MMACHC: variants seen among roughly 807,000 people sequenced by gnomAD.
MMACHC encodes the protein cyanocobalamin reductase / alkylcobalamin dealkylase.
Under a neutral mutation model 17.6 loss-of-function variants are expected in MMACHC, and 14 were observed. The ratio of observed to expected loss-of-function variants is 0.80; its 90% CI spans 0.53 to 1.25. MMACHC has a LOEUF of 1.25. Ranked by LOEUF, MMACHC falls within the 50% of genes most tolerant of loss-of-function variation. The probability of loss-of-function intolerance (pLI) is 0.00; values close to 1 mark genes in which losing one functional copy is unlikely to be tolerated. For synonymous variants in MMACHC, 151 were observed against 142.1 expected, an observed-to-expected ratio of 1.06 and a Z score of -0.45; for missense variants, 392 against 364.5, an observed-to-expected ratio of 1.08 and a Z score of -0.62.
Position 45,508,970 on chromosome 1 carries a change from G to T in MMACHC, c.604G>T (p.Asp202Tyr). The change falls in exon 4 of 4, where the codon GAT (aspartate) becomes TAT (tyrosine). Residue 202 changes from aspartate to tyrosine, a missense_variant. By Grantham distance (160) the Asp-to-Tyr change is radical. Transcript: ENST00000401061. ...CGAAGGCTTCAATTTCCACTGGCGTGATTGGACTTACCGGGATGCTGTGAC... is the reference window on the plus strand; with the variant it reads ...CGAAGGCTTCAATTTCCACTGGCGTTATTGGACTTACCGGGATGCTGTGAC... ...LLEGFNFHWRDWTYRDAVTPQ... is the reference protein window; with the variant it reads ...LLEGFNFHWRYWTYRDAVTPQ... 1 of 1,614,182 alleles carries T rather than the reference G, an allele frequency of 6.2e-7. No homozygotes were observed. The highest frequency in any genetic ancestry group is 2.2e-5 in the East Asian group (1 of 44,890).
intron 1 of MMACHC, among the ~76,000 whole-genome samples, chr1:45,500,961 C>A (rs1170237880): frequency 2.0e-5 from 3 of 151,404 alleles, no homozygotes; most frequent in African/African-American, 7.3e-5. Context: ...TGACCTGTAG[C>A]GTGTGTGGCT....
In MMACHC at chr1:45,509,296, C is replaced by A; in HGVS notation, c.*81C>A. The stretch of plus-strand genomic sequence containing the variant: ...TTGGCAAAGCAAAAGGTTTTGAGTA[C>A]AAGATTACTATTTTTGATAATATAG... On this transcript the variant is annotated 3_prime_UTR_variant, in exon 4 of 4. Transcript: ENST00000401061. The A allele has an allele frequency of 6.8e-7, 1 of 1,480,518 alleles. No homozygotes were observed. The highest frequency in any genetic ancestry group is 9.4e-7 in the Non-Finnish European group (1 of 1,062,208). 91.7% of individuals were successfully genotyped at this position (1,480,518 alleles called of 1,614,324 possible).
At position 45,511,314 on chromosome 1, in the gene MMACHC, A is replaced by G. The variant is rs1260992175; in HGVS notation, c.*2099A>G. 2 of 1,595,790 alleles carry G rather than the reference A, an allele frequency of 1.3e-6. No individual in the cohort carries two copies. The highest frequency in any genetic ancestry group is 2.3e-5 in the South Asian group (2 of 88,310). ...TGGCTGCCCACCGCAGCCTGGCACT[A>G]AAACAGCCCAGCGCTCACTTCTGCT... On this transcript the variant is annotated 3_prime_UTR_variant, in exon 4 of 4. Coordinates refer to ENST00000401061, the MANE Select transcript of MMACHC (RefSeq NM_015506.3).
At position 45,508,779 on chromosome 1, in the gene MMACHC, C is replaced by A; in HGVS notation, c.430-17C>A. On this transcript the variant is annotated splice_polypyrimidine_tract_variant and intron_variant, in intron 3 of 3. Coordinates refer to ENST00000401061, the MANE Select transcript of MMACHC (RefSeq NM_015506.3). Reference sequence around the variant, plus strand: ...AGGGGACCTCCATGACCTTGCTTTTCTTCACCCTCTCCCCAGCGCATATCA... The same window carrying A: ...AGGGGACCTCCATGACCTTGCTTTTATTCACCCTCTCCCCAGCGCATATCA... The A allele has an allele frequency of 6.2e-7, 1 of 1,611,162 alleles. No individual in the cohort carries two copies. Among genetic ancestry groups the A allele is most frequent in the South Asian group, 1.1e-5 (1 of 90,588 alleles).
chr1:45,508,720 C>T, intron 3 of MMACHC, 76 bp from the exon 4 acceptor site: 2 of 1,512,118 alleles, frequency 1.3e-6, no homozygotes, highest in Non-Finnish European at 1.8e-6. Context: ...GTGAACAGGC[C>T]TAGCTTGCAA....
intron 3 of MMACHC, 34 bp downstream of exon 3, chr1:45,508,398 G>C: frequency 6.2e-7 from 1 of 1,612,042 alleles, no homozygotes; most frequent in South Asian, 1.1e-5. Context: ...GGCTGAGATA[G>C]ACTGGTAAAG....
intron 1 of MMACHC, among the ~76,000 whole-genome samples, chr1:45,506,768 T>A (rs1457718914): frequency 1.3e-5 from 2 of 151,938 alleles, no homozygotes; most frequent in East Asian, 3.9e-4. Context: ...ATTATAGCTG[T>A]GAGTCACCAC....
At chr1:45,504,338 C>T (rs962362853) in intron 1 of MMACHC, among the ~76,000 whole-genome samples, 2 of 152,064 alleles carry the variant, frequency 1.3e-5, no homozygotes, top group African/African-American at 4.8e-5. Flanking sequence ...ATCACTTGAA[C>T]CCAGGAGGCA....
chr1:45,502,010 A>G (rs1470133454), intron 1 of MMACHC, among the ~76,000 whole-genome samples: 1 of 152,090 alleles, frequency 6.6e-6, no homozygotes, highest in Non-Finnish European at 1.5e-5. Context: ...CCTCCTCCAC[A>G]CTGCAGCCAG....
At chr1:45,506,167 T>C (rs1643617611) in intron 1 of MMACHC, among the ~76,000 whole-genome samples, 1 of 152,160 alleles carries the variant, frequency 6.6e-6, no homozygotes, top group African/African-American at 2.4e-5. Context: ...TTGTGTCATT[T>C]GAGGATGAGT....
In MMACHC at chr1:45,510,540, T is replaced by C. The variant is rs1166682321; in HGVS notation, c.*1325T>C. The C allele has an allele frequency of 6.6e-6, 1 of 152,048 alleles. No homozygotes were observed. The highest frequency in any genetic ancestry group is 1.5e-5 in the Non-Finnish European group (1 of 68,042). 9.4% of individuals were successfully genotyped at this position (152,048 alleles called of 1,614,324 possible). On this transcript the variant is annotated 3_prime_UTR_variant, in exon 4 of 4. Coordinates refer to ENST00000401061, the MANE Select transcript of MMACHC (RefSeq NM_015506.3). ...TGACACTAAAAAAGACTATCTCTAA[T>C]CAAGGCTAGAACCAAGGGAAGGCTA...
chr1:45,502,835 G>A (rs1195032175), intron 1 of MMACHC, among the ~76,000 whole-genome samples: 3 of 151,816 alleles, frequency 2.0e-5, no homozygotes, highest in Non-Finnish European at 4.4e-5. Flanking sequence ...CTCCAGAGTA[G>A]GTAGGATTAC....
intron 2 of MMACHC, 123 bp from the exon 3 acceptor site, chr1:45,508,089 G>A: frequency 1.6e-6 from 2 of 1,245,122 alleles, no homozygotes; most frequent in Admixed American, 1.8e-5. Flanking sequence ...CCAAGTTAAG[G>A]TCATGTTTTC....
intron 2 of MMACHC, 61 bp downstream of exon 2, chr1:45,507,611 A>T (rs1643653939): frequency 3.8e-6 from 6 of 1,569,448 alleles, no homozygotes; most frequent in Non-Finnish European, 4.4e-6. Flanking sequence ...GTTCCTCCAC[A>T]CTCAATGCAG....
Position 45,511,106 on chromosome 1 carries a change from C to G in MMACHC, c.*1891C>G. 1 of 425,556 alleles carries G rather than the reference C, an allele frequency of 2.3e-6. No individual in the cohort carries two copies. The highest frequency in any genetic ancestry group is 3.6e-5 in the East Asian group (1 of 27,768). The allele number at this position is 425,556 out of a possible 1,614,324, so 26.4% of individuals were successfully genotyped here. A position where few individuals can be genotyped will look rare whatever the true frequency, so the allele number is the denominator to read the frequency against. On this transcript the variant is annotated 3_prime_UTR_variant, in exon 4 of 4. Transcript: ENST00000401061. The stretch of plus-strand genomic sequence containing the variant: ...AGATTAATGGGTTGCTCTACTAATA[C>G]ATCATACAAACCAGTAGCCTGCCCA...
At chr1:45,508,430 C>T (rs1347585475) in intron 3 of MMACHC, 66 bp downstream of exon 3, 3 of 1,561,916 alleles carry the variant, frequency 1.9e-6, no homozygotes, top group African/African-American at 2.7e-5. Context: ...CCAGGTCCCA[C>T]ATTCCTCAGC....
rs1311416761 is a variant in MMACHC at position 45,508,242 on chromosome 1, GCTGA to G, written c.310_313del (p.Asp104ThrfsTer19). ...CCCAGAGCTGCAGATAGAAATCATT[GCTGA>G]CTACGAGGTGCACCCCAACCGACGC... On this transcript the variant is annotated frameshift_variant, in exon 3 of 4. Coordinates refer to ENST00000401061, the MANE Select transcript of MMACHC (RefSeq NM_015506.3). LOFTEE classifies it high-confidence loss of function. 1 of 1,614,006 alleles carries G rather than the reference GCTGA, an allele frequency of 6.2e-7. No individual in the cohort carries two copies. The highest frequency in any genetic ancestry group is 1.3e-5 in the African/African-American group (1 of 74,894).
At chr1:45,502,747 C>T (rs528866123) in intron 1 of MMACHC, among the ~76,000 whole-genome samples, 2 of 151,230 alleles carry the variant, frequency 1.3e-5, no homozygotes, top group African/African-American at 4.9e-5. Flanking sequence ...TCTTGTTGCC[C>T]AGGCTGGAGT....
chr1:45,505,752 A>G lies in MMACHC; in HGVS notation c.82-1604A>G, dbSNP rs185083489. Among the ~76,000 whole-genome samples the G allele has an allele frequency of 1.2e-3, 183 of 152,082 alleles. 1 individual carries two copies. Among genetic ancestry groups the G allele is most frequent in the Admixed American group, 3.9e-3 (60 of 15,280 alleles). On this transcript the variant is annotated intron_variant, in intron 1 of 3. Transcript: ENST00000401061. Reference sequence around the variant, plus strand: ...CCTCATCTCTACTAAAAATACAAAAATTAGCCGGGCGTGGTGGCACGTGCC... The same window carrying G: ...CCTCATCTCTACTAAAAATACAAAAGTTAGCCGGGCGTGGTGGCACGTGCC...
Sources: gnomAD v4.1 joint callset for allele counts (sites outside exome capture counted in the v4.1 genomes callset) on GRCh38, gnomAD v4.1.1 for gene constraint, MANE v1.5 for transcripts, NCBI Gene and HGNC (gene_info 2026-07-23, HGNC 2026-07-21) for gene names.